Variants in ADGRE2 observed in about 807,000 individuals in gnomAD.
ADGRE2 encodes CD97 antigen.
In ADGRE2, 83 loss-of-function variants were observed where a neutral mutation model predicts 100.8. The ratio of observed to expected loss-of-function variants is 0.82; its 90% confidence interval spans 0.69 to 0.99. The LOEUF (loss-of-function observed/expected upper bound fraction) is 0.99. Among genes scored for constraint, ADGRE2 ranks in the 50% least tolerant of loss-of-function variants. The pLI, the probability that ADGRE2 is intolerant of heterozygous loss-of-function variation, is 0.00. For missense variants in ADGRE2, 814 were observed against 1,035.7 expected (o/e 0.79, Z 2.94); for synonymous variants, 355 against 413.0 (o/e 0.86, Z 1.70).
chr19:14,730,884 T>G (rs2042665540), downstream of ADGRE2, among the ~76,000 whole-genome samples: 1 of 151,880 alleles, frequency 6.6e-6, no homozygotes, highest in Non-Finnish European at 1.5e-5. Flanking sequence ...TATTTAGCTC[T>G]CTCTTACAGG....
intron 17 of ADGRE2, 66 bp downstream of exon 17, chr19:14,746,830 T>C: frequency 6.7e-7 from 1 of 1,501,710 alleles, no homozygotes; most frequent in South Asian, 1.2e-5. Flanking sequence ...TGTCACCATC[T>C]TTATTATCTT....
chr19:14,776,991 C>CACACAT, intron 1 of ADGRE2, 64 bp from the exon 2 acceptor site: 1 of 1,361,430 alleles, frequency 7.3e-7, no homozygotes, highest in Admixed American at 3.1e-5. Flanking sequence ...CACACACACA[C>CACACAT]ACACACACAC....
chr19:14,728,599 T>G (rs2042648400), downstream of ADGRE2, among the ~76,000 whole-genome samples: 1 of 152,230 alleles, frequency 6.6e-6, no homozygotes, highest in Admixed American at 6.5e-5. Flanking sequence ...CAACAGTTAC[T>G]GCATCAAACT....
chr19:14,776,775 G>C lies in ADGRE2; in HGVS notation c.-19C>G. On this transcript the variant is annotated 5_prime_UTR_variant, in exon 2 of 21. Coordinates refer to ENST00000315576, the MANE Select transcript of ADGRE2 (RefSeq NM_013447.4). ...CTCCCATGGTTCCAGCTGAGCTGCCGGCAGGAGCAGCAGGGGAAAGAGTGA... is the reference window on the plus strand; with the variant it reads ...CTCCCATGGTTCCAGCTGAGCTGCCCGCAGGAGCAGCAGGGGAAAGAGTGA... 1.9e-6 allele frequency: 3 copies of C among 1,613,032 alleles called. No homozygotes were observed. Among genetic ancestry groups the C allele is most frequent in the Non-Finnish European group, 2.5e-6 (3 of 1,179,580 alleles).
Position 14,758,769 on chromosome 19 carries a change from C to CA in ADGRE2, c.1085-2425dup, listed in dbSNP as rs1261617507. The stretch of plus-strand genomic sequence containing the variant: ...GCATGGTGGTGGGCGCCTGTAGTCC[C>CA]AGCTACTCCGGAGGCTGAGGCAGGA... On this transcript the variant is annotated intron_variant, in intron 11 of 20. Transcript: ENST00000315576. 2.0e-5 allele frequency among the ~76,000 whole-genome samples: 3 copies of CA among 151,464 alleles called. No homozygotes were observed. In the East Asian group the frequency reaches 5.8e-4, roughly 30 times the overall value.
chr19:14,755,928 C>A, intron 12 of ADGRE2, 51 bp from the exon 13 acceptor site: 2 of 1,488,412 alleles, frequency 1.3e-6, no homozygotes, highest in South Asian at 2.3e-5. Flanking sequence ...ATCTCTGGGT[C>A]CACACCAGAG....
At position 14,769,944 on chromosome 19, in the gene ADGRE2, C is replaced by T. The variant is rs188997631; in HGVS notation, c.355+2398G>A. Reference sequence around the variant, plus strand: ...CGATCTCCTGACCTTGTGATCCGCCCACCTCGGCCTCCCAAAGTGCTAGGA... The same window carrying T: ...CGATCTCCTGACCTTGTGATCCGCCTACCTCGGCCTCCCAAAGTGCTAGGA... On this transcript the variant is annotated intron_variant, in intron 5 of 20. Coordinates refer to ENST00000315576, the MANE Select transcript of ADGRE2 (RefSeq NM_013447.4). Among the ~76,000 whole-genome samples the T allele has an allele frequency of 4.6e-5, 7 of 152,288 alleles. No homozygotes were observed. In the East Asian group the frequency reaches 1.2e-3, roughly 25 times the overall value.
intron 1 of ADGRE2, 61 bp from the exon 2 acceptor site, chr19:14,776,988 A>ACACACACG: frequency 7.5e-7 from 1 of 1,337,228 alleles, no homozygotes; most frequent in Non-Finnish European, 9.6e-7. Context: ...ACACACACAC[A>ACACACACG]CACACACACA....
intron 16 of ADGRE2, among the ~76,000 whole-genome samples, chr19:14,748,428 C>A (rs1388820973): frequency 1.3e-5 from 2 of 152,172 alleles, no homozygotes; most frequent in Non-Finnish European, 2.9e-5. Flanking sequence ...TGTGCCTCAG[C>A]CTCCCAAGTA....
At chr19:14,769,378 G>A (rs1469025819) in intron 5 of ADGRE2, among the ~76,000 whole-genome samples, 4 of 152,218 alleles carry the variant, frequency 2.6e-5, no homozygotes, top group Non-Finnish European at 5.9e-5. Context: ...ACGGCCCTGT[G>A]ATGCCTGGAG....
At chr19:14,769,128 G>A (rs575164754) in intron 5 of ADGRE2, among the ~76,000 whole-genome samples, 1 of 152,164 alleles carries the variant, frequency 6.6e-6, no homozygotes. Context: ...GGTGGCTCAC[G>A]CCTGCAATCC....
At chr19:14,763,444 AAATT>A (rs2043804238) in intron 11 of ADGRE2, among the ~76,000 whole-genome samples, 2 of 152,106 alleles carry the variant, frequency 1.3e-5, no homozygotes, top group African/African-American at 4.8e-5. Context: ...CAAATTAAAT[AAATT>A]GTTCTCTTTT....
chr19:14,736,633 T>C (rs1399458942), intron 20 of ADGRE2, among the ~76,000 whole-genome samples: 2 of 147,196 alleles, frequency 1.4e-5, no homozygotes, highest in Non-Finnish European at 3.0e-5. Flanking sequence ...TTTAGAAATA[T>C]ATAGATATTT....
chr19:14,773,344 C>T (rs2044293126), intron 4 of ADGRE2, among the ~76,000 whole-genome samples: 1 of 125,200 alleles, frequency 8.0e-6, no homozygotes, highest in East Asian at 2.8e-4. Flanking sequence ...CTTTTTCTTT[C>T]CCTCCCTCCC....
intron 2 of ADGRE2, among the ~76,000 whole-genome samples, chr19:14,775,972 T>C (rs1108015): frequency 0.32 from 47,890 of 151,428 alleles, 7,965 homozygotes; most frequent in Non-Finnish European, 0.39. Context: ...CCGCCAGCCC[T>C]GGCGGCCCAT....
Position 14,751,564 on chromosome 19 carries a change from C to A in ADGRE2, c.1896G>T (p.Thr632=), listed in dbSNP as rs753481314. 2 of 1,613,882 alleles carry A rather than the reference C, an allele frequency of 1.2e-6. No homozygotes were observed. Among genetic ancestry groups the A allele is most frequent in the African/African-American group, 2.7e-5 (2 of 74,874 alleles). ...TGTTGATGCTTGAGTAGTTGACCAC[C>A]GTCAGGTTCCGTGCAGTGAGGAAGA... The part of the protein sequence containing the change: ...LYLFLTARNL[T]VVNYSSINRF... Residue 632 remains threonine (T), a synonymous_variant, in exon 16 of 21, where the codon ACG becomes ACT. Coordinates refer to ENST00000315576, the MANE Select transcript of ADGRE2 (RefSeq NM_013447.4).
At chr19:14,752,271 A>G (rs1356020973) in intron 15 of ADGRE2, 58 bp downstream of exon 15, 2 of 1,598,374 alleles carry the variant, frequency 1.3e-6, no homozygotes, top group Non-Finnish European at 1.7e-6. Flanking sequence ...GCATCATTCC[A>G]TGAGCCAGCG....
In ADGRE2 at chr19:14,773,990, T is replaced by C; in HGVS notation, c.147A>G (p.Pro49=). The change falls in exon 4 of 21, where the codon CCA becomes CCG. Residue 49 remains proline (P), a synonymous_variant. Transcript: ENST00000315576. The part of the protein sequence containing the change: ...CVNATACRCN[P]GFSSFSEIIT... ...TGATCTCAGAAAAAGAGCTGAACCC[T>C]GGATTGCAGCGACAGGCGGTGGCAT... 2 of 1,614,076 alleles carry C rather than the reference T, an allele frequency of 1.2e-6. No homozygotes were observed. Among genetic ancestry groups the C allele is most frequent in the Non-Finnish European group, 1.7e-6 (2 of 1,180,026 alleles).
chr19:14,747,391 T>C (rs1452577380), intron 16 of ADGRE2, among the ~76,000 whole-genome samples: 1 of 152,056 alleles, frequency 6.6e-6, no homozygotes, highest in East Asian at 1.9e-4. Flanking sequence ...TCCCAGTTAC[T>C]TGGGAGACTG....
Sources: allele counts gnomAD v4.1 joint callset (sites outside exome capture counted in the v4.1 genomes callset), GRCh38; gene constraint gnomAD v4.1.1; transcripts MANE v1.5; gene names NCBI Gene and HGNC (gene_info 2026-07-23, HGNC 2026-07-21).